Variants in SCMH1 observed in about 807,000 individuals in gnomAD.
SCMH1 encodes Scm polycomb group protein homolog 1, also known as polycomb protein SCMH1.
Under a neutral mutation model 70.8 loss-of-function variants are expected in SCMH1, and 37 were observed. The observed-to-expected ratio is 0.52, with a 90% CI of 0.40 to 0.69. SCMH1 has a LOEUF of 0.69. Among genes scored for constraint, SCMH1 ranks in the 30% least tolerant of loss-of-function variants. The probability of loss-of-function intolerance (pLI) is 0.00; values close to 1 mark genes in which losing one functional copy is unlikely to be tolerated. For synonymous variants in SCMH1, 292 were observed against 307.4 expected, an observed-to-expected ratio of 0.95 and a Z score of 0.52; for missense variants, 607 against 827.3, an observed-to-expected ratio of 0.73 and a Z score of 3.27.
At chr1:41,176,189 C>CAAAAAAAAA (rs61348122) in intron 2 of SCMH1, among the ~76,000 whole-genome samples, 22 of 109,818 alleles carry the variant, frequency 2.0e-4, no homozygotes, top group Admixed American at 3.3e-4. Flanking sequence ...CCAAAAAAAA[C>CAAAAAAAAA]AAAAAAAAAA....
At chr1:41,053,470 C>A (rs1311615579) in intron 10 of SCMH1, among the ~76,000 whole-genome samples, 1 of 152,136 alleles carries the variant, frequency 6.6e-6, no homozygotes, top group African/African-American at 2.4e-5. Flanking sequence ...GCAAAGCCAC[C>A]CTGCAGGGAG....
intron 5 of SCMH1, among the ~76,000 whole-genome samples, chr1:41,147,148 A>C (rs1360016864): frequency 6.6e-6 from 1 of 152,120 alleles, no homozygotes; most frequent in East Asian, 1.9e-4. Context: ...GTATTTCCCT[A>C]ATGAAATAAT....
intron 1 of SCMH1, among the ~76,000 whole-genome samples, chr1:41,237,482 G>C (rs554841970): frequency 6.6e-6 from 1 of 152,252 alleles, no homozygotes; most frequent in South Asian, 2.1e-4. Context: ...AGTAAACTGA[G>C]GTAGAGAAAG....
At chr1:41,105,024 C>T (rs1055303256) in intron 8 of SCMH1, among the ~76,000 whole-genome samples, 9 of 151,932 alleles carry the variant, frequency 5.9e-5, no homozygotes, top group African/African-American at 1.9e-4. Context: ...GGCACAATCT[C>T]GGCTCACTGT....
At chr1:41,046,385 C>G (rs1325886649) in intron 12 of SCMH1, 22 bp downstream of exon 12, 1 of 1,610,558 alleles carries the variant, frequency 6.2e-7, no homozygotes, top group African/African-American at 1.3e-5. Flanking sequence ...ACTCTCAGCC[C>G]AGGCCCCATC....
At chr1:41,060,104 G>C (rs908578863) in intron 10 of SCMH1, among the ~76,000 whole-genome samples, 1 of 151,176 alleles carries the variant, frequency 6.6e-6, no homozygotes, top group East Asian at 1.9e-4. Flanking sequence ...AAAATAAAAA[G>C]AGAAAGGAAT....
chr1:41,080,808 C>T (rs997976001), intron 8 of SCMH1, among the ~76,000 whole-genome samples: 1 of 152,064 alleles, frequency 6.6e-6, no homozygotes, highest in East Asian at 1.9e-4. Flanking sequence ...CTATAATCAA[C>T]AGCATTCTTA....
At chr1:41,189,405 C>A (rs944855832) in intron 1 of SCMH1, among the ~76,000 whole-genome samples, 1 of 152,332 alleles carries the variant, frequency 6.6e-6, no homozygotes, top group East Asian at 1.9e-4. Flanking sequence ...CCCGCCTCGG[C>A]CTCCCAAAGT....
In SCMH1 at chr1:41,169,128, G is replaced by A. The variant is rs1197903488; in HGVS notation, c.14-7696C>T. 5.9e-5 allele frequency among the ~76,000 whole-genome samples: 9 copies of A among 152,256 alleles called. No individual in the cohort carries two copies. The East Asian group carries it at 1.7e-3, about 29-fold the overall frequency. On this transcript the variant is annotated intron_variant, in intron 2 of 14. Transcript: ENST00000337495. ...TACGTCCACCTTTTTGTTTGCTGTG[G>A]TCTAAGGCTACTCATGAATGCAAAG...
At chr1:41,051,559 G>A (rs557145764) in intron 10 of SCMH1, among the ~76,000 whole-genome samples, 3 of 152,140 alleles carry the variant, frequency 2.0e-5, no homozygotes, top group Non-Finnish European at 4.4e-5. Flanking sequence ...AGGAAACAGT[G>A]ACATTGATGA....
rs1298434223 is a variant in SCMH1, at chr1:41,113,649, C to A, written c.502-123G>T. 18 of 869,400 alleles carry A rather than the reference C, an allele frequency of 2.1e-5. No homozygotes were observed. The East Asian group carries it at 5.8e-4, about 28-fold the overall frequency. The allele number at this position is 869,400 out of a possible 1,614,324, so 53.9% of individuals were successfully genotyped here. A position where few individuals can be genotyped will look rare whatever the true frequency, so the allele number is the denominator to read the frequency against. ...CATGAGACTTATAATGGATATATAGCCTTTCTTTTAAATTAATTTTAAATT... is the reference window on the plus strand; with the variant it reads ...CATGAGACTTATAATGGATATATAGACTTTCTTTTAAATTAATTTTAAATT... On this transcript the variant is annotated intron_variant, in intron 7 of 14. Transcript: ENST00000337495. This position sits in a 1 kb window ranked among gnomAD's most constrained non-coding sequence, Gnocchi z 4.3.
intron 13 of SCMH1, among the ~76,000 whole-genome samples, chr1:41,036,284 A>G (rs1174776219): frequency 6.6e-6 from 1 of 152,172 alleles, no homozygotes; most frequent in African/African-American, 2.4e-5. Flanking sequence ...GATGTCATCT[A>G]TATGACCATG....
intron 1 of SCMH1, among the ~76,000 whole-genome samples, chr1:41,220,701 A>C (rs565739098): frequency 1.3e-5 from 2 of 152,352 alleles, no homozygotes; most frequent in East Asian, 3.9e-4. Context: ...TGTTTTTGAC[A>C]AAAGCGCATA....
rs563449079 is a variant in SCMH1, at chr1:41,198,949, A to G, written c.-117-12699T>C. On this transcript the variant is annotated intron_variant, in intron 1 of 14. Transcript: ENST00000337495. ...GACCTAAACTCCTCCAACTACACCA[A>G]TTGGGATTATCATCAGTATATATTT... Among the ~76,000 whole-genome samples the G allele has an allele frequency of 9.9e-5, 15 of 152,284 alleles. No homozygotes were observed. The South Asian group carries it at 3.1e-3, about 32-fold the overall frequency.
At chr1:41,208,832 A>G (rs1656273705) in intron 1 of SCMH1, among the ~76,000 whole-genome samples, 2 of 152,334 alleles carry the variant, frequency 1.3e-5, no homozygotes, top group South Asian at 4.1e-4. Context: ...GAGAGGCAAG[A>G]GCAAACACAT....
chr1:41,059,522 T>C (rs1271339070), intron 10 of SCMH1, among the ~76,000 whole-genome samples: 1 of 152,026 alleles, frequency 6.6e-6, no homozygotes, highest in Admixed American at 6.6e-5. Context: ...CAGCTCCCCA[T>C]CCATCCCACT....
intron 1 of SCMH1, among the ~76,000 whole-genome samples, chr1:41,200,357 G>A (rs546651651): frequency 1.1e-4 from 17 of 152,058 alleles, no homozygotes; most frequent in Non-Finnish European, 2.4e-4. Flanking sequence ...GTAGGCACCT[G>A]TAGTCCCAGC....
At chr1:41,215,783 T>C (rs1657952580) in intron 1 of SCMH1, among the ~76,000 whole-genome samples, 1 of 152,158 alleles carries the variant, frequency 6.6e-6, no homozygotes, top group African/African-American at 2.4e-5. Context: ...TTCTCTCTAT[T>C]TGATAGTGAA....
intron 13 of SCMH1, among the ~76,000 whole-genome samples, chr1:41,030,908 A>G (rs1011506584): frequency 1.3e-5 from 2 of 152,208 alleles, no homozygotes; most frequent in Non-Finnish European, 2.9e-5. Flanking sequence ...CTATGTCTCT[A>G]TTGAGGCAGG....
Sources: allele counts gnomAD v4.1 joint callset (sites outside exome capture counted in the v4.1 genomes callset), GRCh38; gene constraint gnomAD v4.1.1; non-coding constraint Gnocchi (gnomAD v3.1); transcripts MANE v1.5; gene names NCBI Gene and HGNC (gene_info 2026-07-23, HGNC 2026-07-21).